Variants in GTF3C1 observed in about 807,000 individuals in gnomAD.
The protein encoded by GTF3C1 is general transcription factor 3C polypeptide 1.
A neutral mutation model predicts 226.7 loss-of-function variants in GTF3C1; 57 were observed. That is an observed-to-expected ratio of 0.25 (90% CI 0.20 to 0.31). The LOEUF (loss-of-function observed/expected upper bound fraction) is 0.31. Among genes scored for constraint, GTF3C1 ranks in the 10% least tolerant of loss-of-function variants. GTF3C1 has a pLI of 1.00. For missense variants in GTF3C1, 2,217 were observed against 2,776.1 expected, an observed-to-expected ratio of 0.80 and a Z score of 4.53; for synonymous variants, 1,090 against 1,084.8, an observed-to-expected ratio of 1.00 and a Z score of -0.09.
chr16:27,528,647 A>G lies in GTF3C1; in HGVS notation c.924T>C (p.Leu308=). 6.2e-7 allele frequency: 1 copy of G among 1,612,054 alleles called. No individual in the cohort carries two copies. Among genetic ancestry groups the G allele is most frequent in the Non-Finnish European group, 8.5e-7 (1 of 1,178,096 alleles). ...ATTCAGGGTGGATCTCTTGCAAGCG[A>G]AGAGACACCACCTTGGCTAGCCCGG... ...LNAGLAKVVS[L]RLQEIHPECG... Residue 308 remains leucine, a synonymous_variant, in exon 6 of 37, where the codon CTT becomes CTC. Coordinates refer to ENST00000356183, the MANE Select transcript of GTF3C1 (RefSeq NM_001520.4).
chr16:27,478,593 T>C, intron 27 of GTF3C1, 62 bp from the exon 28 acceptor site: 1 of 1,160,432 alleles, frequency 8.6e-7, no homozygotes, highest in East Asian at 2.3e-5. Flanking sequence ...AGCAAGCGGA[T>C]GCTGGCTCAA....
At chr16:27,521,885 T>C (rs2088755964) in intron 6 of GTF3C1, among the ~76,000 whole-genome samples, 1 of 152,212 alleles carries the variant, frequency 6.6e-6, no homozygotes, top group African/African-American at 2.4e-5. Context: ...TAATCTTGAT[T>C]CTTTTTAATT....
At chr16:27,533,505 A>G in intron 4 of GTF3C1, 118 bp from the exon 5 acceptor site, 1 of 636,260 alleles carries the variant, frequency 1.6e-6, no homozygotes, top group Non-Finnish European at 2.9e-6. Context: ...AATAAATAAC[A>G]GAATCTTTTA....
rs201281648 is a variant in GTF3C1 at position 27,492,756 on chromosome 16, C to T, written c.2877-43G>A. On this transcript the variant is annotated intron_variant, in intron 17 of 36. Transcript: ENST00000356183. This position sits in a 1 kb window ranked among gnomAD's most constrained non-coding sequence, Gnocchi z 5.0. Reference sequence around the variant, plus strand: ...CGGGAGGTTCTCATCACACCACACTCGCAGCCGGCCGCAGGGGTCTGCATG... The same window carrying T: ...CGGGAGGTTCTCATCACACCACACTTGCAGCCGGCCGCAGGGGTCTGCATG... 22 of 1,021,470 alleles carry T rather than the reference C, an allele frequency of 2.2e-5. No individual in the cohort carries two copies. The highest frequency in any genetic ancestry group is 2.0e-4 in the Admixed American group (12 of 59,226). The allele number at this position is 1,021,470 out of a possible 1,614,324, so 63.3% of individuals were successfully genotyped here. A position where few individuals can be genotyped will look rare whatever the true frequency, so the allele number is the denominator to read the frequency against.
rs748092906 is a variant in GTF3C1, at chr16:27,465,321, C to A, written c.5294G>T (p.Arg1765Leu). ...ACCTGCCTTCTCCAAGGCCGAGAAC[C>A]GTCTGCGCAGCTCCTCCTTGTCAAT... Reference protein sequence around the residue: ...FGIDKEELRRRFSALEKAGGG... With the variant: ...FGIDKEELRRLFSALEKAGGG... Residue 1765 changes from arginine (R) to leucine (L), a missense_variant, in exon 33 of 37, where the codon CGG becomes CTG. This residue lies in a region of GTF3C1 where 455 missense variants were observed against 441.9 expected (regional missense o/e 1.03). Transcript: ENST00000356183. 2.5e-6 allele frequency: 4 copies of A among 1,614,038 alleles called. No individual in the cohort carries two copies. The African/African-American group carries it at 5.3e-5, about 22-fold the overall frequency.
At chr16:27,473,645 G>A (rs1257984962) in intron 29 of GTF3C1, among the ~76,000 whole-genome samples, 1 of 152,262 alleles carries the variant, frequency 6.6e-6, no homozygotes, top group East Asian at 1.9e-4. Flanking sequence ...CCTTCCAGTG[G>A]AGGGACACAA....
chr16:27,525,717 C>T (rs1347090921), intron 6 of GTF3C1, among the ~76,000 whole-genome samples: 5 of 152,246 alleles, frequency 3.3e-5, no homozygotes, highest in Non-Finnish European at 5.9e-5. Flanking sequence ...ATTCAGCACA[C>T]ACTCTCCTGA....
intron 5 of GTF3C1, among the ~76,000 whole-genome samples, chr16:27,529,839 C>A (rs1281606748): frequency 6.6e-6 from 1 of 152,212 alleles, no homozygotes; most frequent in Non-Finnish European, 1.5e-5. Context: ...ATCAGACCCT[C>A]CAACAATGAA....
At chr16:27,540,402 G>T (rs553273806) in intron 2 of GTF3C1, among the ~76,000 whole-genome samples, 18 of 152,082 alleles carry the variant, frequency 1.2e-4, no homozygotes, top group Admixed American at 2.6e-4. Flanking sequence ...AGGTCAGCTG[G>T]GGGAAAAAAG....
chr16:27,465,237 G>A (rs768136681), intron 33 of GTF3C1, 23 bp downstream of exon 33: 69 of 1,610,024 alleles, frequency 4.3e-5, no homozygotes, highest in Non-Finnish European at 5.6e-5. Flanking sequence ...GGTGATATCC[G>A]GCTAACCTAA....
chr16:27,483,425 G>A, intron 25 of GTF3C1: 2 of 547,922 alleles, frequency 3.7e-6, no homozygotes, highest in South Asian at 3.1e-5. Flanking sequence ...AGGACCATAT[G>A]GGCTGACCTA....
Position 27,549,876 on chromosome 16 carries a change from C to T in GTF3C1, c.15G>A (p.Glu5=), listed in dbSNP as rs1404080396. ...CCAGAGCGACTTCGTCCAACAACGA[C>T]TCCAGCGCGTCCATTGCTACTTCAG... is the stretch of plus-strand genomic sequence containing the variant. MDAL[E]SLLDEVALEG... The change falls in exon 1 of 37, where the codon GAG becomes GAA. Residue 5 remains glutamate, a synonymous_variant. Coordinates refer to ENST00000356183, the MANE Select transcript of GTF3C1 (RefSeq NM_001520.4). 1 of 1,611,892 alleles carries T rather than the reference C, an allele frequency of 6.2e-7. No individual in the cohort carries two copies. Among genetic ancestry groups the T allele is most frequent in the Non-Finnish European group, 8.5e-7 (1 of 1,178,834 alleles).
Position 27,507,069 on chromosome 16 carries a change from G to C in GTF3C1, c.1330C>G (p.Gln444Glu). The C allele has an allele frequency of 6.2e-7, 1 of 1,613,722 alleles. No homozygotes were observed. Among genetic ancestry groups the C allele is most frequent in the Non-Finnish European group, 8.5e-7 (1 of 1,179,908 alleles). Residue 444 changes from glutamine to glutamate, a missense_variant, in exon 9 of 37, where the codon CAA (glutamine) becomes GAA (glutamate). Gln to Glu is a conservative substitution (Grantham distance 29). Around this residue, in one of 12 missense-constraint regions of GTF3C1, gnomAD observed 25 missense variants for 71.9 expected, o/e 0.35. Transcript: ENST00000356183. The surrounding 1 kb of genome is among the most constrained non-coding windows in gnomAD (Gnocchi z 4.9). The part of the protein sequence containing the change: ...AEESDLSRQY[Q>E]REKARSELLT... ...AGCTCGCTGCGGGCCTTCTCTCTTT[G>C]GTACTGCCGGCTTAGGTCGCTCTCC...
At position 27,464,718 on chromosome 16, in the gene GTF3C1, G is replaced by C. The variant is rs377528153; in HGVS notation, c.5474C>G (p.Ala1825Gly). The C allele has an allele frequency of 1.3e-6, 2 of 1,596,030 alleles. No homozygotes were observed. Among genetic ancestry groups the C allele is most frequent in the African/African-American group, 2.7e-5 (2 of 74,706 alleles). ...HSVRLKDRED[A>G]DIQREDPQAR... ...CTGGGGGTCTTCTCTCTGGATGTCG[G>C]CGTCTTCTCTGTCTTTCAGCCGCAC... Residue 1825 changes from alanine to glycine, a missense_variant, in exon 34 of 37, where the codon GCC becomes GGC. This residue lies in a region of GTF3C1 where 455 missense variants were observed against 441.9 expected (regional missense o/e 1.03). Transcript: ENST00000356183.
At chr16:27,479,257 G>A (rs1286607199) in intron 27 of GTF3C1, among the ~76,000 whole-genome samples, 2 of 151,392 alleles carry the variant, frequency 1.3e-5, no homozygotes, top group African/African-American at 2.4e-5. Context: ...TTAAAACAAA[G>A]AAATATGAAA....
At chr16:27,543,938 G>C (rs1392968979) in intron 2 of GTF3C1, among the ~76,000 whole-genome samples, 1 of 152,092 alleles carries the variant, frequency 6.6e-6, no homozygotes, top group Non-Finnish European at 1.5e-5. Context: ...GTGAAGGGGA[G>C]GTGAAGAGGG....
chr16:27,474,393 G>A (rs967729597), intron 29 of GTF3C1, among the ~76,000 whole-genome samples: 1 of 152,146 alleles, frequency 6.6e-6, no homozygotes, highest in Non-Finnish European at 1.5e-5. Context: ...CTGGCTAGAA[G>A]GCAGGGGGCC....
chr16:27,517,491 C>G (rs558875135), intron 6 of GTF3C1, among the ~76,000 whole-genome samples: 1 of 152,274 alleles, frequency 6.6e-6, no homozygotes, highest in South Asian at 2.1e-4. Context: ...AATGGCAACC[C>G]CTGGTCCCTG....
At chr16:27,489,804 T>C (rs1193681780) in intron 19 of GTF3C1, 61 bp from the exon 20 acceptor site, 6 of 1,543,426 alleles carry the variant, frequency 3.9e-6, no homozygotes, top group Non-Finnish European at 5.3e-6. Context: ...TGGTGGCTAC[T>C]ACCTCTGGCT....
Sources: allele counts gnomAD v4.1 joint callset (sites outside exome capture counted in the v4.1 genomes callset), GRCh38; gene constraint gnomAD v4.1.1; regional missense constraint gnomAD v4.1.1; non-coding constraint Gnocchi (gnomAD v3.1); transcripts MANE v1.5; gene names NCBI Gene and HGNC (gene_info 2026-07-23, HGNC 2026-07-21).